The following DSG4 variants were observed in gnomAD, a reference collection of about 807,000 sequenced individuals.
DSG4 encodes desmoglein-4.
DSG4 carries 87 observed loss-of-function variants against 93.1 expected under a neutral mutation model. The observed-to-expected ratio is 0.93, with a 90% CI of 0.79 to 1.12. The LOEUF is 1.12. Among genes scored for constraint, DSG4 ranks in the 50% most tolerant of loss-of-function variants. DSG4 has a pLI of 0.00. For missense variants in DSG4, 1,373 were observed against 1,285.7 expected, an observed-to-expected ratio of 1.07 and a Z score of -1.04; for synonymous variants, 432 against 452.9, an observed-to-expected ratio of 0.95 and a Z score of 0.59.
At chr18:31,403,301 C>A in intron 10 of DSG4, 115 bp from the exon 11 acceptor site, 1 of 881,022 alleles carries the variant, frequency 1.1e-6, no homozygotes, top group Non-Finnish European at 1.8e-6. Flanking sequence ...ACCTGTCAAG[C>A]CTCCCAAGTC....
At position 31,376,916 on chromosome 18, in the gene DSG4, A is replaced by G; in HGVS notation, c.5A>G (p.Asp2Gly). 1 of 1,613,680 alleles carries G rather than the reference A, an allele frequency of 6.2e-7. No individual in the cohort carries two copies. Among genetic ancestry groups the G allele is most frequent in the Non-Finnish European group, 8.5e-7 (1 of 1,179,716 alleles). M[D>G]WLFFRNICLL... ...GTGCAAGAGAAACCCAAAGGAATGG[A>G]TTGGCTCTTCTTCAGAAACATTTGC... The change falls in exon 1 of 16, where the codon GAT (aspartate) becomes GGT (glycine). Residue 2 changes from aspartate to glycine, a missense_variant. Physicochemically the swap from Asp to Gly is moderately conservative, Grantham distance 94. Coordinates refer to ENST00000308128, the MANE Select transcript of DSG4 (RefSeq NM_177986.5).
chr18:31,399,105 T>C (rs7235376), intron 8 of DSG4, among the ~76,000 whole-genome samples, 167 bp from the exon 9 acceptor site: 1,644 of 152,280 alleles, frequency 0.011, 34 homozygotes, highest in African/African-American at 0.037. Context: ...GAAAAACATA[T>C]CTAAGATACC....
At chr18:31,390,533 C>T (rs2072235994) in intron 5 of DSG4, 123 bp from the exon 6 acceptor site, 1 of 1,139,256 alleles carries the variant, frequency 8.8e-7, no homozygotes, top group African/African-American at 1.5e-5. Flanking sequence ...ACTATATTCC[C>T]ATGGAAAACT....
At chr18:31,393,527 T>G (rs1390626876) in intron 8 of DSG4, among the ~76,000 whole-genome samples, 1 of 152,038 alleles carries the variant, frequency 6.6e-6, no homozygotes, top group Non-Finnish European at 1.5e-5. Flanking sequence ...GGTCCTAGAC[T>G]CCTGTAAACA....
chr18:31,392,321 G>A lies in DSG4; in HGVS notation c.986G>A (p.Gly329Asp). The A allele has an allele frequency of 1.2e-6, 2 of 1,613,578 alleles. No homozygotes were observed. The highest frequency in any genetic ancestry group is 1.7e-6 in the Non-Finnish European group (2 of 1,179,760). The change falls in exon 8 of 16, where the codon GGC becomes GAC. Residue 329 changes from glycine to aspartate, a missense_variant. Gly to Asp is a moderately conservative substitution (Grantham distance 94). Coordinates refer to ENST00000308128, the MANE Select transcript of DSG4 (RefSeq NM_177986.5). Reference sequence around the variant, plus strand: ...CAAACAGATCCACAAACCAATGAAGGCATTTTGAAAGTTGTCAAGGTACAG... The same window carrying A: ...CAAACAGATCCACAAACCAATGAAGACATTTTGAAAGTTGTCAAGGTACAG... ...DIQTDPQTNE[G>D]ILKVVKMLDY... is the part of the protein sequence containing the mutation.
rs189859252 is a variant in DSG4, at chr18:31,403,833, T to C, written c.1636+199T>C. On this transcript the variant is annotated intron_variant, in intron 11 of 15. Coordinates refer to ENST00000308128, the MANE Select transcript of DSG4 (RefSeq NM_177986.5). ...TGAACTGAAATGAAATGAGTCAAAA[T>C]GTTTCATTAATATTTAATTTACAAA... is the stretch of plus-strand genomic sequence containing the variant. 6.4e-4 allele frequency among the ~76,000 whole-genome samples: 97 copies of C among 152,346 alleles called. 2 individuals carry two copies. Among genetic ancestry groups the C allele is most frequent in the East Asian group, 5.2e-3 (27 of 5,188 alleles).
chr18:31,399,577 C>A (rs1367880589), intron 9 of DSG4, 34 bp downstream of exon 9: 2 of 1,613,024 alleles, frequency 1.2e-6, no homozygotes, highest in Admixed American at 1.7e-5. Flanking sequence ...TTCTATGGTT[C>A]TATCCAGTGT....
At chr18:31,400,528 A>G (rs2072353381) in intron 9 of DSG4, among the ~76,000 whole-genome samples, 1 of 152,332 alleles carries the variant, frequency 6.6e-6, no homozygotes, top group Admixed American at 6.5e-5. Context: ...AATCCTAAGT[A>G]TACCACATAC....
intron 8 of DSG4, among the ~76,000 whole-genome samples, chr18:31,393,193 T>TAA (rs2072268235): frequency 6.6e-6 from 1 of 152,292 alleles, no homozygotes; most frequent in Middle Eastern, 3.4e-3. Context: ...AAATATATAT[T>TAA]AAGACATATA....
At position 31,388,988 on chromosome 18, in the gene DSG4, A is replaced by G. The variant is rs761259085; in HGVS notation, c.487A>G (p.Thr163Ala). The change falls in exon 5 of 16, where the codon ACA becomes GCA. Residue 163 changes from threonine (T) to alanine (A), a missense_variant. Coordinates refer to ENST00000308128, the MANE Select transcript of DSG4 (RefSeq NM_177986.5). ...TCCAGTCTTTTCGCAAAGTGTATAC[A>G]CAGCCAGCATTGAAGAAAATAGTGA... is the stretch of plus-strand genomic sequence containing the variant. ...NAPVFSQSVY[T>A]ASIEENSDAN... 6.2e-7 allele frequency: 1 copy of G among 1,613,496 alleles called. No homozygotes were observed. Among genetic ancestry groups the G allele is most frequent in the Non-Finnish European group, 8.5e-7 (1 of 1,179,542 alleles).
At chr18:31,384,309 A>G (rs775553490) in intron 1 of DSG4, among the ~76,000 whole-genome samples, 18 of 118,890 alleles carry the variant, frequency 1.5e-4, no homozygotes, top group South Asian at 2.7e-4. Context: ...GTATAATTGT[A>G]AAACTAATCT....
chr18:31,398,929 T>C (rs947019699), intron 8 of DSG4, among the ~76,000 whole-genome samples: 7 of 152,186 alleles, frequency 4.6e-5, no homozygotes, highest in African/African-American at 1.7e-4. Context: ...GTGTGAACAG[T>C]TTTTATTTTA....
At chr18:31,403,939 C>T (rs532374656) in intron 11 of DSG4, among the ~76,000 whole-genome samples, 1 of 152,228 alleles carries the variant, frequency 6.6e-6, no homozygotes, top group Non-Finnish European at 1.5e-5. Flanking sequence ...TTAAAATAAA[C>T]AGAACCCTTA....
At chr18:31,403,323 T>A in intron 10 of DSG4, 93 bp from the exon 11 acceptor site, 1 of 1,068,950 alleles carries the variant, frequency 9.4e-7, no homozygotes, top group South Asian at 1.3e-5. Flanking sequence ...CGTATATGTT[T>A]CCTACAAGTT....
intron 8 of DSG4, among the ~76,000 whole-genome samples, chr18:31,396,226 TATA>T (rs796198937): frequency 3.3e-5 from 5 of 152,238 alleles, no homozygotes; most frequent in African/African-American, 1.2e-4. Flanking sequence ...TCTCTATTTT[TATA>T]ATAATTCTAA....
At chr18:31,385,622 G>T (rs1829788749) in intron 2 of DSG4, among the ~76,000 whole-genome samples, 2 of 152,076 alleles carry the variant, frequency 1.3e-5, no homozygotes. Context: ...AAATAGAGCT[G>T]CTGTCCTCTA....
rs757952521 is a variant in DSG4 at position 31,412,796 on chromosome 18, AT to A, written c.2356-29del. 6 of 1,612,530 alleles carry A rather than the reference AT, an allele frequency of 3.7e-6. No individual in the cohort carries two copies. The African/African-American group carries it at 4.0e-5, about 11-fold the overall frequency. On this transcript the variant is annotated intron_variant, in intron 15 of 15. Coordinates refer to ENST00000308128, the MANE Select transcript of DSG4 (RefSeq NM_177986.5). ...TCTTCCTTATTTTAGGGAAAAAGAAATTTCTAATTCTGTATTTCCTTTTAAT... is the reference window on the plus strand; with the variant it reads ...TCTTCCTTATTTTAGGGAAAAAGAAATTCTAATTCTGTATTTCCTTTTAAT...
At chr18:31,402,321 A>C (rs879356664) in intron 10 of DSG4, among the ~76,000 whole-genome samples, 1 of 152,220 alleles carries the variant, frequency 6.6e-6, no homozygotes, top group African/African-American at 2.4e-5. Flanking sequence ...CAAACACTAT[A>C]AGCAATAGCT....
Position 31,406,311 on chromosome 18 carries a change from C to T in DSG4, c.1871C>T (p.Ser624Leu). ...GTCACTGAAGACCAAGCTGGAGTTT[C>T]AAATGTTGGTCTTGGACCAGCAGGG... ...GPVTEDQAGV[S>L]NVGLGPAGIG... is the part of the protein sequence containing the mutation. The change falls in exon 12 of 16, where the codon TCA (serine) becomes TTA (leucine). Residue 624 changes from serine to leucine, a missense_variant. Ser to Leu is a moderately radical substitution (Grantham distance 145, BLOSUM62 -2). Transcript: ENST00000308128. 6.2e-7 allele frequency: 1 copy of T among 1,614,228 alleles called. No individual in the cohort carries two copies. Among genetic ancestry groups the T allele is most frequent in the Non-Finnish European group, 8.5e-7 (1 of 1,180,040 alleles).
Sources: allele counts gnomAD v4.1 joint callset (sites outside exome capture counted in the v4.1 genomes callset), GRCh38; gene constraint gnomAD v4.1.1; transcripts MANE v1.5; gene names NCBI Gene and HGNC (gene_info 2026-07-23, HGNC 2026-07-21).